Variants in GALNT13 observed in about 807,000 individuals in gnomAD.
GALNT13 encodes polypeptide N-acetylgalactosaminyltransferase 13, also known as UDP-GalNAc:polypeptide N-acetylgalactosaminyltransferase 13.
A neutral mutation model predicts 64.2 loss-of-function variants in GALNT13; 28 were observed. The ratio of observed to expected loss-of-function variants is 0.44; its 90% confidence interval spans 0.32 to 0.60. The LOEUF is 0.60. Among genes scored for constraint, GALNT13 ranks in the 20% least tolerant of loss-of-function variants. GALNT13 has a pLI of 0.05. For synonymous variants in GALNT13, 214 were observed against 224.6 expected (o/e 0.95, Z 0.42); for missense variants, 577 against 669.8 (o/e 0.86, Z 1.53).
chr2:153,087,760 G>C, the GALNT13 span, among the ~76,000 whole-genome samples: 1 of 152,052 alleles, frequency 6.6e-6, no homozygotes. Flanking sequence ...GCATGTGTAG[G>C]TGTTCACAGT....
the GALNT13 span, among the ~76,000 whole-genome samples, chr2:153,707,120 A>G: frequency 6.6e-6 from 1 of 152,124 alleles, no homozygotes; most frequent in African/African-American, 2.4e-5. Context: ...GCCTTCCACC[A>G]TGATTGTGAG....
chr2:153,546,084 G>T, the GALNT13 span, among the ~76,000 whole-genome samples: 1 of 152,142 alleles, frequency 6.6e-6, no homozygotes, highest in East Asian at 1.9e-4. Context: ...CTTCTGGCCA[G>T]CTCCTTGCAC....
At chr2:153,738,862 T>A in the GALNT13 span, among the ~76,000 whole-genome samples, 1 of 151,912 alleles carries the variant, frequency 6.6e-6, no homozygotes, top group Non-Finnish European at 1.5e-5. Flanking sequence ...TGTCTTCTTT[T>A]TCCTTCAGTT....
chr2:154,030,432 A>C (rs1698262896), intron 3 of GALNT13, among the ~76,000 whole-genome samples: 1 of 152,154 alleles, frequency 6.6e-6, no homozygotes, highest in African/African-American at 2.4e-5. Context: ...GAAAGTTATC[A>C]TGATGAAGGA....
the GALNT13 span, among the ~76,000 whole-genome samples, chr2:153,378,255 TATAGATAGATAGATAGATAGATAGATAG>T: frequency 9.0e-5 from 13 of 143,672 alleles, no homozygotes; most frequent in South Asian, 9.1e-4. Context: ...TTTAGAACAT[TATAGATAGATAGATAGATAGATAGATAG>T]ATAGATAGAT....
At chr2:153,770,271 G>T in the GALNT13 span, among the ~76,000 whole-genome samples, 1 of 148,364 alleles carries the variant, frequency 6.7e-6, no homozygotes, top group African/African-American at 2.5e-5. Flanking sequence ...ACCCCTCATT[G>T]TGGAGGTGGC....
chr2:153,370,776 A>C, the GALNT13 span: 1 of 152,656 alleles, frequency 6.6e-6, no homozygotes, highest in East Asian at 1.9e-4. Flanking sequence ...CAGCCCAAAT[A>C]TTTTTGGAAG....
the GALNT13 span, among the ~76,000 whole-genome samples, chr2:153,849,888 G>A: frequency 6.6e-6 from 1 of 151,784 alleles, no homozygotes; most frequent in Non-Finnish European, 1.5e-5. Context: ...AAGGCCGGGC[G>A]TGGTGGCTCA....
chr2:153,390,524 T>C, the GALNT13 span, among the ~76,000 whole-genome samples: 1 of 152,116 alleles, frequency 6.6e-6, no homozygotes, highest in Non-Finnish European at 1.5e-5. Flanking sequence ...CCAAATATCA[T>C]CTTTACATCA....
At chr2:154,330,182 A>G (rs1695091614) in intron 9 of GALNT13, among the ~76,000 whole-genome samples, 1 of 152,106 alleles carries the variant, frequency 6.6e-6, no homozygotes, top group Non-Finnish European at 1.5e-5. Context: ...AGGCTAGTAA[A>G]TTTTAAAAAT....
At chr2:154,271,990 G>T (rs1403729471) in intron 8 of GALNT13, among the ~76,000 whole-genome samples, 1 of 151,798 alleles carries the variant, frequency 6.6e-6, no homozygotes, top group African/African-American at 2.4e-5. Flanking sequence ...AACCCTGAAA[G>T]ATGGACAGGA....
chr2:154,186,232 G>A (rs1215226471), intron 4 of GALNT13, among the ~76,000 whole-genome samples: 7 of 151,822 alleles, frequency 4.6e-5, no homozygotes. Flanking sequence ...AAAATATTAG[G>A]CAAATTCCCA....
the GALNT13 span, among the ~76,000 whole-genome samples, chr2:153,764,976 C>G: frequency 6.6e-6 from 1 of 152,220 alleles, no homozygotes; most frequent in African/African-American, 2.4e-5. Flanking sequence ...AAGTCAAGAA[C>G]TGAGGTTTGG....
At chr2:153,500,045 G>A in the GALNT13 span, among the ~76,000 whole-genome samples, 84,269 of 152,018 alleles carry the variant, frequency 0.55, 26,255 homozygotes, top group African/African-American at 0.83. Flanking sequence ...CATCCCCACA[G>A]GTGGCTGCTC....
At chr2:153,237,449 T>G in the GALNT13 span, among the ~76,000 whole-genome samples, 4 of 152,110 alleles carry the variant, frequency 2.6e-5, no homozygotes, top group East Asian at 7.7e-4. Context: ...TCCACCTGAC[T>G]ATATTTTTGT....
At chr2:153,933,958 G>A (rs1370240651) in intron 2 of GALNT13, among the ~76,000 whole-genome samples, 7 of 152,084 alleles carry the variant, frequency 4.6e-5, no homozygotes, top group Admixed American at 1.3e-4. Context: ...CTACTGAAAA[G>A]TCCATTATTA....
At chr2:153,292,037 T>C in the GALNT13 span, among the ~76,000 whole-genome samples, 1 of 152,242 alleles carries the variant, frequency 6.6e-6, no homozygotes, top group Non-Finnish European at 1.5e-5. Context: ...CAAAACTATC[T>C]TTGATTTTCT....
the GALNT13 span, among the ~76,000 whole-genome samples, chr2:153,083,553 C>A: frequency 6.6e-6 from 1 of 152,082 alleles, no homozygotes; most frequent in African/African-American, 2.4e-5. Flanking sequence ...TGAGAATTAT[C>A]TGTTCATGTC....
the GALNT13 span, among the ~76,000 whole-genome samples, chr2:153,435,697 A>C: frequency 6.6e-6 from 1 of 152,134 alleles, no homozygotes; most frequent in African/African-American, 2.4e-5. Context: ...GAGACTGCTG[A>C]AGTTGCTTAT....
Sources: allele counts gnomAD v4.1 joint callset (sites outside exome capture counted in the v4.1 genomes callset), GRCh38; gene constraint gnomAD v4.1.1; transcripts MANE v1.5; gene names NCBI Gene and HGNC (gene_info 2026-07-23, HGNC 2026-07-21).